Variants in CERS6 observed in about 807,000 individuals in gnomAD.
CERS6 encodes LAG1 homolog, ceramide synthase 6.
Under a neutral mutation model 56.8 loss-of-function variants are expected in CERS6, and 26 were observed. The ratio of observed to expected loss-of-function variants is 0.46; its 90% CI spans 0.34 to 0.63. The LOEUF is 0.63. Ranked by LOEUF, CERS6 falls within the 30% of genes least tolerant of loss-of-function variation. The probability of loss-of-function intolerance (pLI) is 0.01; values close to 1 mark genes in which losing one functional copy is unlikely to be tolerated. For synonymous variants in CERS6, 164 were observed against 173.3 expected, an observed-to-expected ratio of 0.95 and a Z score of 0.42; for missense variants, 415 against 467.5, an observed-to-expected ratio of 0.89 and a Z score of 1.04.
At chr2:168,745,727 A>G (rs1220069061) in intron 8 of CERS6, among the ~76,000 whole-genome samples, 1 of 152,218 alleles carries the variant, frequency 6.6e-6, no homozygotes, top group Non-Finnish European at 1.5e-5. Context: ...ATATGCCTAT[A>G]TAATGATCCA....
intron 4 of CERS6, among the ~76,000 whole-genome samples, chr2:168,660,813 AG>A (rs1322140956): frequency 2.0e-5 from 3 of 152,172 alleles, no homozygotes; most frequent in Non-Finnish European, 2.9e-5. Context: ...CATTTTTTAA[AG>A]GTAAGTTTGT....
At chr2:168,511,866 G>T (rs1175923976) in intron 1 of CERS6, among the ~76,000 whole-genome samples, 1 of 151,988 alleles carries the variant, frequency 6.6e-6, no homozygotes, top group Non-Finnish European at 1.5e-5. Context: ...ATAGCCAAAA[G>T]GTAGAAGCAA....
chr2:168,598,456 A>G (rs978456269), intron 3 of CERS6, among the ~76,000 whole-genome samples: 3 of 151,680 alleles, frequency 2.0e-5, no homozygotes, highest in South Asian at 2.1e-4. Context: ...ATGCATTCCT[A>G]TATATTTTTG....
intron 3 of CERS6, among the ~76,000 whole-genome samples, chr2:168,630,458 C>T (rs1317021285): frequency 6.6e-6 from 1 of 152,032 alleles, no homozygotes; most frequent in Non-Finnish European, 1.5e-5. Context: ...ATAAAATTGT[C>T]ATTTATAGTT....
intron 1 of CERS6, among the ~76,000 whole-genome samples, chr2:168,493,178 C>T (rs2105339969): frequency 6.6e-6 from 1 of 152,148 alleles, no homozygotes; most frequent in East Asian, 1.9e-4. Flanking sequence ...ATTCCATTTT[C>T]CTTATTGTAC....
intron 1 of CERS6, among the ~76,000 whole-genome samples, chr2:168,472,540 G>A (rs893015378): frequency 1.1e-4 from 16 of 152,104 alleles, no homozygotes; most frequent in African/African-American, 3.6e-4. Flanking sequence ...GTGTGTTTAT[G>A]TACAAAATCT....
chr2:168,671,205 T>A (rs571839182), intron 4 of CERS6, among the ~76,000 whole-genome samples: 12 of 152,108 alleles, frequency 7.9e-5, no homozygotes, highest in African/African-American at 2.2e-4. Context: ...GACCTCATGA[T>A]CCACCTGCCT....
At chr2:168,602,841 C>A (rs1683967368) in intron 3 of CERS6, among the ~76,000 whole-genome samples, 1 of 152,206 alleles carries the variant, frequency 6.6e-6, no homozygotes, top group South Asian at 2.1e-4. Flanking sequence ...CAGTCCTGAA[C>A]AGGTCACCAT....
chr2:168,456,298 AGCGGCCGCGGAGGAGGCG>A lies in CERS6; in HGVS notation c.-145_-128del. The A allele has an allele frequency of 3.5e-6, 1 of 281,792 alleles. No homozygotes were observed. Among genetic ancestry groups the A allele is most frequent in the Non-Finnish European group, 5.8e-6 (1 of 171,832 alleles). The allele number at this position is 281,792 out of a possible 1,614,324, so 17.5% of individuals were successfully genotyped here. ...GGGCTCGCCGCGAGCCTTCGAGAGC[AGCGGCCGCGGAGGAGGCG>A]GCGGCGGCGGGCGGGAGCAGCGGCG... is the stretch of plus-strand genomic sequence containing the variant. On this transcript the variant is annotated 5_prime_UTR_variant, in exon 1 of 10. Coordinates refer to ENST00000305747, the MANE Select transcript of CERS6 (RefSeq NM_203463.3). This position sits in a 1 kb window ranked among gnomAD's most constrained non-coding sequence, Gnocchi z 4.1.
chr2:168,651,315 C>G, intron 4 of CERS6, among the ~76,000 whole-genome samples: 1 of 152,128 alleles, frequency 6.6e-6, no homozygotes, highest in East Asian at 1.9e-4. Flanking sequence ...AACCAAGCCA[C>G]ATGTTTATTT....
intron 3 of CERS6, among the ~76,000 whole-genome samples, chr2:168,568,190 A>G (rs923823179): frequency 2.6e-5 from 4 of 152,206 alleles, no homozygotes; most frequent in African/African-American, 9.6e-5. Flanking sequence ...GTCTGCCTAC[A>G]TTTGAGTTGT....
At chr2:168,598,986 C>T (rs1240864066) in intron 3 of CERS6, among the ~76,000 whole-genome samples, 1 of 152,154 alleles carries the variant, frequency 6.6e-6, no homozygotes, top group African/African-American at 2.4e-5. Context: ...AATAACAGCA[C>T]TTGACATTTG....
At chr2:168,513,110 A>G (rs898060719) in intron 1 of CERS6, among the ~76,000 whole-genome samples, 5 of 152,128 alleles carry the variant, frequency 3.3e-5, no homozygotes, top group Non-Finnish European at 5.9e-5. Flanking sequence ...GTTAATTGTG[A>G]GCTGTGTGTA....
intron 3 of CERS6, among the ~76,000 whole-genome samples, chr2:168,580,625 T>G (rs1683386757): frequency 6.6e-6 from 1 of 152,204 alleles, no homozygotes; most frequent in Non-Finnish European, 1.5e-5. Context: ...TTTTAATTCA[T>G]TTTTGTACCC....
At chr2:168,768,456 C>T (rs1462063986) in intron 9 of CERS6, among the ~76,000 whole-genome samples, 2 of 150,710 alleles carry the variant, frequency 1.3e-5, no homozygotes, top group African/African-American at 4.9e-5. Flanking sequence ...TGGCCTTGAA[C>T]TCCTGACCTC....
At chr2:168,555,722 C>CTGTGTGTG (rs58781728) in intron 2 of CERS6, among the ~76,000 whole-genome samples, 10,990 of 140,794 alleles carry the variant, frequency 0.078, 758 homozygotes, top group African/African-American at 0.18. Context: ...ATAATTGACT[C>CTGTGTGTG]TGTGTGTGTG....
chr2:168,473,755 G>A (rs58915503), intron 1 of CERS6, among the ~76,000 whole-genome samples: 7,902 of 152,148 alleles, frequency 0.052, 348 homozygotes, highest in South Asian at 0.21. Context: ...AAAACACACA[G>A]CCAGTTCTCC....
In CERS6 at chr2:168,740,207, A is replaced by G. The variant is rs74801333; in HGVS notation, c.845+22229A>G. 9.2e-3 allele frequency among the ~76,000 whole-genome samples: 1,397 copies of G among 152,296 alleles called. 17 individuals are homozygous for G. The highest frequency in any genetic ancestry group is 0.031 in the African/African-American group (1,287 of 41,556). On this transcript the variant is annotated intron_variant, in intron 8 of 9. Transcript: ENST00000305747. ...ATGTTATTTAACAGCACTTCACACA[A>G]AGTTGTTACACAGCAGGTGAAAATA... is the stretch of plus-strand genomic sequence containing the variant.
chr2:168,542,602 A>G (rs1168850578), intron 1 of CERS6, among the ~76,000 whole-genome samples: 1 of 152,228 alleles, frequency 6.6e-6, no homozygotes, highest in Non-Finnish European at 1.5e-5. Context: ...TAAAGTAGTT[A>G]GAACAATGAC....
Sources: allele counts gnomAD v4.1 joint callset (sites outside exome capture counted in the v4.1 genomes callset), GRCh38; gene constraint gnomAD v4.1.1; non-coding constraint Gnocchi (gnomAD v3.1); transcripts MANE v1.5; gene names NCBI Gene and HGNC (gene_info 2026-07-23, HGNC 2026-07-21).